Variants in SMARCA2 observed in about 807,000 individuals in gnomAD.
SMARCA2 encodes SWI/SNF related BAF chromatin remodeling complex subunit ATPase 2.
SMARCA2 carries 61 observed loss-of-function variants against 199.8 expected under a neutral mutation model. The observed-to-expected ratio is 0.31, with a 90% CI of 0.25 to 0.38. The LOEUF (loss-of-function observed/expected upper bound fraction) is 0.38. Among genes scored for constraint, SMARCA2 ranks in the 10% least tolerant of loss-of-function variants. The pLI is 1.00. For missense variants in SMARCA2, 1,344 were observed against 2,012.2 expected, an observed-to-expected ratio of 0.67 and a Z score of 6.35; for synonymous variants, 935 against 732.0, an observed-to-expected ratio of 1.28 and a Z score of -4.48.
intron 4 of SMARCA2, among the ~76,000 whole-genome samples, chr9:2,046,626 G>A (rs1014267403): frequency 3.9e-5 from 6 of 152,210 alleles, no homozygotes; most frequent in African/African-American, 1.4e-4. Context: ...TGCTCTGTTT[G>A]TAAAGCATGG....
At position 2,170,488 on chromosome 9, in the gene SMARCA2, G is replaced by A. The variant is rs778794228; in HGVS notation, c.4253+16G>A. ...AAGGAAACAGGTCAGGATCTGTCTTGTATTCCCCTATCTCTAAATACAGGT... is the reference window on the plus strand; with the variant it reads ...AAGGAAACAGGTCAGGATCTGTCTTATATTCCCCTATCTCTAAATACAGGT... On this transcript the variant is annotated intron_variant, in intron 29 of 33. Coordinates refer to ENST00000349721, the MANE Select transcript of SMARCA2 (RefSeq NM_003070.5). The surrounding 1 kb of genome is among the most constrained non-coding windows in gnomAD (Gnocchi z 4.7). 3.1e-6 allele frequency: 5 copies of A among 1,614,020 alleles called. No individual in the cohort carries two copies. The Admixed American group carries it at 5.0e-5, about 16-fold the overall frequency.
intron 1 of SMARCA2, among the ~76,000 whole-genome samples, chr9:2,024,309 A>G (rs770685114): frequency 3.9e-5 from 6 of 151,970 alleles, no homozygotes; most frequent in Non-Finnish European, 5.9e-5. Context: ...CTCCCATTCT[A>G]TGACTGTGTT....
At chr9:2,165,951 G>C (rs1316156761) in intron 28 of SMARCA2, among the ~76,000 whole-genome samples, 1 of 152,186 alleles carries the variant, frequency 6.6e-6, no homozygotes, top group Non-Finnish European at 1.5e-5. Context: ...CCACCTCCAT[G>C]TGGACACTGC....
chr9:2,188,855 A>G (rs1827677018), intron 32 of SMARCA2, among the ~76,000 whole-genome samples: 1 of 152,202 alleles, frequency 6.6e-6, no homozygotes, highest in South Asian at 2.1e-4. Flanking sequence ...GTGTTCGTAG[A>G]AACAAAGTTC....
Position 2,123,743 on chromosome 9 carries a change from G to A in SMARCA2, c.3787G>A (p.Glu1263Lys), listed in dbSNP as rs747015369. The change falls in exon 27 of 34, where the codon GAA becomes AAA. Residue 1263 changes from glutamate to lysine, a missense_variant. By Grantham distance (56) the Glu-to-Lys change is moderately conservative. Coordinates refer to ENST00000349721, the MANE Select transcript of SMARCA2 (RefSeq NM_003070.5). The surrounding 1 kb of genome is among the most constrained non-coding windows in gnomAD (Gnocchi z 4.1). The part of the protein sequence containing the change: ...FMRMDMDRRR[E>K]DARNPKRKPR... ...GCGGATGGACATGGACCGGCGGAGG[G>A]AAGATGCCCGGAACCCGAAACGGAA... is the stretch of plus-strand genomic sequence containing the variant. 1 of 1,614,124 alleles carries A rather than the reference G, an allele frequency of 6.2e-7. No individual in the cohort carries two copies. The highest frequency in any genetic ancestry group is 1.7e-5 in the Admixed American group (1 of 60,020).
intron 1 of SMARCA2, among the ~76,000 whole-genome samples, chr9:2,026,009 C>T (rs1029670517): frequency 6.6e-6 from 1 of 152,092 alleles, no homozygotes; most frequent in African/African-American, 2.4e-5. Context: ...CATCAAGTCA[C>T]GGATGGACAG....
At position 2,186,185 on chromosome 9, in the gene SMARCA2, T is replaced by C; in HGVS notation, c.4551T>C (p.Asn1517=). 6.2e-7 allele frequency: 1 copy of C among 1,613,920 alleles called. No homozygotes were observed. Among genetic ancestry groups the C allele is most frequent in the East Asian group, 2.2e-5 (1 of 44,866 alleles). ...AGGAAGAGAGTGAGGATGAAAGCAA[T>C]GAAGAGGAGGAAGAGGAAGATGAAG... ...AKEEESEDES[N]EEEEEEDEEE... is the part of the protein sequence containing the mutation. Residue 1517 remains asparagine, a synonymous_variant, in exon 32 of 34, where the codon AAT becomes AAC. Transcript: ENST00000349721.
chr9:2,159,582 G>A (rs1825558165), intron 27 of SMARCA2: 7 of 421,812 alleles, frequency 1.7e-5, no homozygotes, highest in Admixed American at 1.5e-4. Context: ...GAAACCATCT[G>A]AGCTAAAATC....
chr9:2,182,230 G>A lies in SMARCA2; in HGVS notation c.4449G>A (p.Leu1483=). 1 of 1,610,032 alleles carries A rather than the reference G, an allele frequency of 6.2e-7. No homozygotes were observed. The highest frequency in any genetic ancestry group is 8.5e-7 in the Non-Finnish European group (1 of 1,176,410). ...LLCHNAQTFN[L]EGSQIYEDSI... is the part of the protein sequence containing the mutation. ...GTCACAACGCTCAGACGTTCAACCT[G>A]GAGGGATCCCAGGTCTGTCTTGTTA... is the stretch of plus-strand genomic sequence containing the variant. The change falls in exon 31 of 34, where the codon CTG becomes CTA. Residue 1483 remains leucine, a synonymous_variant. Coordinates refer to ENST00000349721, the MANE Select transcript of SMARCA2 (RefSeq NM_003070.5).
chr9:2,035,120 C>T (rs1359560539), intron 3 of SMARCA2, among the ~76,000 whole-genome samples: 3 of 151,868 alleles, frequency 2.0e-5, no homozygotes, highest in African/African-American at 7.3e-5. Flanking sequence ...CAGCTCACTG[C>T]AACCTCTACC....
chr9:2,052,003 T>C (rs1820139264), intron 5 of SMARCA2, among the ~76,000 whole-genome samples: 1 of 152,204 alleles, frequency 6.6e-6, no homozygotes, highest in African/African-American at 2.4e-5. Flanking sequence ...AAAACCACGG[T>C]AATAATCTCA....
intron 19 of SMARCA2, among the ~76,000 whole-genome samples, chr9:2,089,875 C>G (rs990595930): frequency 1.3e-5 from 2 of 152,118 alleles, no homozygotes; most frequent in Non-Finnish European, 2.9e-5. Flanking sequence ...GAATGTTAAA[C>G]ATTTTAATTT....
intron 23 of SMARCA2, among the ~76,000 whole-genome samples, chr9:2,107,674 T>G (rs10124991): frequency 0.5 from 75,713 of 152,074 alleles, 22,644 homozygotes; most frequent in African/African-American, 0.85. Flanking sequence ...GAGGTATCTG[T>G]TATAGGGTCT....
intron 12 of SMARCA2, chr9:2,075,198 A>G (rs542503868): frequency 6.5e-6 from 1 of 152,684 alleles, no homozygotes; most frequent in African/African-American, 2.4e-5. Context: ...GGCCTGGAAA[A>G]TGAAGGAGTT....
intron 27 of SMARCA2, among the ~76,000 whole-genome samples, chr9:2,146,993 A>G (rs1824782367): frequency 6.6e-6 from 1 of 152,194 alleles, no homozygotes; most frequent in Non-Finnish European, 1.5e-5. Flanking sequence ...GCAGCCCAGT[A>G]GGTTTCAGCT....
chr9:2,182,478 C>CTTTTTTTTTTTTTTTTTTTTT (rs145095906), intron 31 of SMARCA2, among the ~76,000 whole-genome samples: 1 of 96,732 alleles, frequency 1.0e-5, no homozygotes, highest in Non-Finnish European at 2.0e-5. Context: ...AGCTTATAGT[C>CTTTTTTTTTTTTTTTTTTTTT]TTTTTTTTTT....
chr9:2,076,456 C>T, intron 13 of SMARCA2, 127 bp downstream of exon 13: 1 of 640,526 alleles, frequency 1.6e-6, no homozygotes, highest in Non-Finnish European at 2.8e-6. Context: ...AAACTGTGCT[C>T]CTAGAGGTCA....
chr9:2,166,696 G>A (rs1444753200), intron 28 of SMARCA2, among the ~76,000 whole-genome samples: 1 of 152,122 alleles, frequency 6.6e-6, no homozygotes, highest in East Asian at 1.9e-4. Context: ...CTTAGACAAA[G>A]GACAGGTCTC....
chr9:2,103,924 GA>G, intron 22 of SMARCA2, 78 bp from the exon 23 acceptor site: 2 of 1,275,772 alleles, frequency 1.6e-6, no homozygotes, highest in East Asian at 2.3e-5. Context: ...AGGACTATAT[GA>G]AAAGCAAAGC....
Sources: allele counts gnomAD v4.1 joint callset (sites outside exome capture counted in the v4.1 genomes callset), GRCh38; gene constraint gnomAD v4.1.1; non-coding constraint Gnocchi (gnomAD v3.1); transcripts MANE v1.5; gene names NCBI Gene and HGNC (gene_info 2026-07-23, HGNC 2026-07-21).